The following KIF17 variants were observed in gnomAD, a reference collection of about 807,000 sequenced individuals.
KIF17 encodes kinesin-like protein KIF17.
Under a neutral mutation model 96.8 loss-of-function variants are expected in KIF17, and 80 were observed. That is an observed-to-expected ratio of 0.83 (90% confidence interval 0.69 to 1.00). The LOEUF (loss-of-function observed/expected upper bound fraction) is 1.00. KIF17 is among the 50% of genes least tolerant of loss of function. KIF17 has a pLI of 0.00. For missense variants in KIF17, 1,280 were observed against 1,372.9 expected, an observed-to-expected ratio of 0.93 and a Z score of 1.07; for synonymous variants, 567 against 587.5, an observed-to-expected ratio of 0.97 and a Z score of 0.51.
At chr1:20,690,569 CTGGAG>C (rs1246321227) in intron 6 of KIF17, among the ~76,000 whole-genome samples, 2 of 151,954 alleles carry the variant, frequency 1.3e-5, no homozygotes, top group Non-Finnish European at 2.9e-5. Context: ...GTCCCCCAGG[CTGGAG>C]TGCAATGGCA....
intron 10 of KIF17, among the ~76,000 whole-genome samples, chr1:20,684,350 ACAT>A (rs1225347115): frequency 6.6e-6 from 1 of 152,224 alleles, no homozygotes; most frequent in Non-Finnish European, 1.5e-5. Context: ...GGTCGGGCTG[ACAT>A]CATCATTAAC....
At position 20,680,203 on chromosome 1, in the gene KIF17, G is replaced by A. The variant is rs145458857; in HGVS notation, c.2463+2450C>T. On this transcript the variant is annotated intron_variant, in intron 11 of 14. Coordinates refer to ENST00000400463, the MANE Select transcript of KIF17 (RefSeq NM_001122819.3). ...TATACAAAGAGAAGAGTGTGCTATC[G>A]AATGAAGAAAACTAAGATACCACCT... 2.4e-3 allele frequency among the ~76,000 whole-genome samples: 372 copies of A among 152,216 alleles called. 1 individual carries two copies. Among genetic ancestry groups the A allele is most frequent in the Admixed American group, 8.0e-3 (123 of 15,284 alleles).
rs1557579055 is a variant in KIF17, at chr1:20,666,350, CCGTGGTCA to C, written c.2791-27_2791-20del. 3.8e-6 allele frequency: 6 copies of C among 1,582,670 alleles called. No individual in the cohort carries two copies. Among genetic ancestry groups the C allele is most frequent in the Middle Eastern group, 1.7e-4 (1 of 5,956 alleles). On this transcript the variant is annotated intron_variant, in intron 13 of 14. Transcript: ENST00000400463. ...CGTCCTCCTGCCGAGATGCAGATGCCCGTGGTCACGTCCCCTTGTTTGTGCCCCTGGCA... is the reference window on the plus strand; with the variant it reads ...CGTCCTCCTGCCGAGATGCAGATGCCCGTCCCCTTGTTTGTGCCCCTGGCA...
At chr1:20,673,533 ATT>A (rs35306944) in intron 11 of KIF17, among the ~76,000 whole-genome samples, 8 of 134,756 alleles carry the variant, frequency 5.9e-5, no homozygotes, top group South Asian at 2.4e-4. Context: ...AGCCTGCTCC[ATT>A]TTTTTTTTTT....
chr1:20,661,677 C>T (rs3753832), downstream of KIF17: 194 of 445,914 alleles, frequency 4.4e-4, 3 homozygotes, highest in East Asian at 5.5e-3. Flanking sequence ...AGGCCGGCCT[C>T]CCGCCCCCTA....
At chr1:20,678,958 T>C (rs1344317419) in intron 11 of KIF17, among the ~76,000 whole-genome samples, 8 of 151,408 alleles carry the variant, frequency 5.3e-5, no homozygotes, top group Admixed American at 1.3e-4. Context: ...CCCAAGATTT[T>C]TGCCCCCTGT....
At chr1:20,705,470 C>T (rs902423250) in intron 4 of KIF17, among the ~76,000 whole-genome samples, 5 of 152,180 alleles carry the variant, frequency 3.3e-5, no homozygotes, top group Non-Finnish European at 5.9e-5. Flanking sequence ...TGAGACAAAG[C>T]GGCAGATGTT....
At chr1:20,671,910 G>A (rs750062764) in intron 12 of KIF17, 28 bp downstream of exon 12, 26 of 1,608,174 alleles carry the variant, frequency 1.6e-5, no homozygotes, top group Non-Finnish European at 2.1e-5. Flanking sequence ...GGAGGGAGGG[G>A]AGGGCAAGGG....
intron 6 of KIF17, among the ~76,000 whole-genome samples, chr1:20,691,678 A>G (rs1357455130): frequency 1.4e-5 from 2 of 141,018 alleles, no homozygotes; most frequent in Non-Finnish European, 3.0e-5. Flanking sequence ...CATGTTGGCT[A>G]GGCTGGTCTC....
chr1:20,683,769 G>A (rs556195404), intron 10 of KIF17, among the ~76,000 whole-genome samples: 31 of 152,198 alleles, frequency 2.0e-4, no homozygotes, highest in Non-Finnish European at 3.5e-4. Context: ...CCCACTCTGC[G>A]GTTCACTCCA....
At chr1:20,670,846 C>T (rs545394838) in intron 12 of KIF17, among the ~76,000 whole-genome samples, 2 of 152,256 alleles carry the variant, frequency 1.3e-5, no homozygotes, top group East Asian at 1.9e-4. Context: ...TGGATGAACA[C>T]GCTGAGCAAG....
intron 13 of KIF17, among the ~76,000 whole-genome samples, chr1:20,668,190 G>A (rs906795616): frequency 2.0e-5 from 3 of 150,904 alleles, no homozygotes; most frequent in Non-Finnish European, 4.4e-5. Context: ...GGCACCTGTA[G>A]TCCCAGCTAC....
intron 13 of KIF17, among the ~76,000 whole-genome samples, chr1:20,669,422 A>G (rs1472180264): frequency 6.6e-6 from 1 of 151,718 alleles, no homozygotes; most frequent in Non-Finnish European, 1.5e-5. Flanking sequence ...CTGTAGTCCC[A>G]GCTACTTGGG....
At chr1:20,697,790 G>A (rs1469923354) in intron 6 of KIF17, among the ~76,000 whole-genome samples, 4 of 152,198 alleles carry the variant, frequency 2.6e-5, no homozygotes, top group Admixed American at 6.5e-5. Flanking sequence ...TGGAAGTCCC[G>A]CTCTGGGGAT....
chr1:20,696,094 C>T (rs192654626), intron 6 of KIF17, among the ~76,000 whole-genome samples: 58 of 152,268 alleles, frequency 3.8e-4, no homozygotes, highest in African/African-American at 1.2e-3. Flanking sequence ...ACAACCTGCC[C>T]AAGGTCACAG....
intron 4 of KIF17, among the ~76,000 whole-genome samples, chr1:20,706,191 C>A (rs184010732): frequency 6.6e-6 from 1 of 151,210 alleles, no homozygotes; most frequent in East Asian, 2.0e-4. Context: ...CAGGCATGAG[C>A]CACTGTGCCC....
intron 7 of KIF17, among the ~76,000 whole-genome samples, chr1:20,688,340 C>T (rs191357414): frequency 2.0e-5 from 3 of 152,138 alleles, no homozygotes; most frequent in African/African-American, 4.8e-5. Flanking sequence ...TGAGCCACCG[C>T]GCCTGGCCCA....
At chr1:20,666,403 G>A (rs1029705070) in intron 13 of KIF17, 72 bp from the exon 14 acceptor site, 7 of 1,254,794 alleles carry the variant, frequency 5.6e-6, no homozygotes, top group Non-Finnish European at 8.2e-6. Flanking sequence ...ACAGCCTCTG[G>A]TATCCTGGGG....
At chr1:20,693,542 A>C (rs992576119) in intron 6 of KIF17, 2 of 152,190 alleles carry the variant, frequency 1.3e-5, no homozygotes, top group African/African-American at 4.8e-5. Context: ...CTGGGATTAC[A>C]GGAGTGAGCC....
Sources: gnomAD v4.1 joint callset for allele counts (sites outside exome capture counted in the v4.1 genomes callset) on GRCh38, gnomAD v4.1.1 for gene constraint, MANE v1.5 for transcripts, NCBI Gene and HGNC (gene_info 2026-07-23, HGNC 2026-07-21) for gene names.